PITX3: variants seen among roughly 807,000 people sequenced by gnomAD.
PITX3 encodes pituitary homeobox 3.
In PITX3, 4 loss-of-function variants were observed where a neutral mutation model predicts 14.2. That is an observed-to-expected ratio of 0.28 (90% CI 0.14 to 0.65). The LOEUF (loss-of-function observed/expected upper bound fraction) is 0.65, where lower values mean the gene tolerates loss of function less well. PITX3 is among the 30% of genes least tolerant of loss of function. The pLI, the probability that PITX3 is intolerant of heterozygous loss-of-function variation, is 0.82. For missense variants in PITX3, 358 were observed against 426.8 expected (o/e 0.84, Z 1.42); for synonymous variants, 194 against 204.5 (o/e 0.95, Z 0.44).
At chr10:102,236,336 A>G (rs1285108204) in intron 1 of PITX3, among the ~76,000 whole-genome samples, 2 of 152,252 alleles carry the variant, frequency 1.3e-5, no homozygotes, top group African/African-American at 2.4e-5. Flanking sequence ...ATGCCCAGGC[A>G]GGGACAGAGA....
intron 1 of PITX3, 128 bp from the exon 2 acceptor site, chr10:102,232,220 G>A (rs567170481): frequency 1.4e-5 from 9 of 655,606 alleles, no homozygotes; most frequent in South Asian, 8.3e-5. Flanking sequence ...CTGGGGCTGC[G>A]TGGGGCTCCT....
chr10:102,232,426 T>C (rs1474574090), intron 1 of PITX3, among the ~76,000 whole-genome samples: 2 of 152,202 alleles, frequency 1.3e-5, no homozygotes, highest in African/African-American at 4.8e-5. Context: ...CTCACGCCTG[T>C]AATCCCAGCA....
chr10:102,233,327 G>A lies in PITX3; in HGVS notation c.-12-1235C>T, dbSNP rs1217328731. Among the ~76,000 whole-genome samples the A allele has an allele frequency of 9.4e-5, 9 of 95,452 alleles. No individual in the cohort carries two copies. The Admixed American group carries it at 1.0e-3, about 11-fold the overall frequency. The allele number at this position is 95,452 out of a possible 152,430, so 62.6% of individuals were successfully genotyped here. A position where few individuals can be genotyped will look rare whatever the true frequency, so the allele number is the denominator to read the frequency against. On this transcript the variant is annotated intron_variant, in intron 1 of 3. Transcript: ENST00000370002. ...TTCTTTTTTTTTTTTTTTTTGAGAT[G>A]GAGTCTCGCTTTGTTGCCCAGGCTG...
At chr10:102,231,553 C>T in intron 3 of PITX3, 35 bp downstream of exon 3, 2 of 1,426,042 alleles carry the variant, frequency 1.4e-6, no homozygotes, top group South Asian at 1.2e-5. Flanking sequence ...GCGGAGGGCC[C>T]GCGCGGGTGC....
intron 1 of PITX3, among the ~76,000 whole-genome samples, chr10:102,237,953 G>A (rs571446345): frequency 5.3e-5 from 8 of 152,074 alleles, no homozygotes; most frequent in Non-Finnish European, 1.2e-4. Flanking sequence ...ATCCAGGGGT[G>A]TGACAAAAAA....
In PITX3 at chr10:102,231,779, C is replaced by A; in HGVS notation, c.130G>T (p.Ala44Ser). ...GAGCCGCCGGGCAGCGAAGCCGAGG[C>A]CTTTTCTGAGTCTGGGGGCCAGGGT... Reference protein sequence around the residue: ...KGQEHSDSEKASASLPGGSPE... With the variant: ...KGQEHSDSEKSSASLPGGSPE... Residue 44 changes from alanine to serine, a missense_variant, in exon 3 of 4, where the codon GCC becomes TCC. By Grantham distance (99) the Ala-to-Ser change is moderately conservative. Transcript: ENST00000370002. 4 of 1,603,052 alleles carry A rather than the reference C, an allele frequency of 2.5e-6. No homozygotes were observed. The highest frequency in any genetic ancestry group is 3.4e-6 in the Non-Finnish European group (4 of 1,177,410).
chr10:102,236,469 C>CA (rs1322619103), intron 1 of PITX3, among the ~76,000 whole-genome samples: 1 of 152,182 alleles, frequency 6.6e-6, no homozygotes, highest in African/African-American at 2.4e-5. Flanking sequence ...CCACTGGTAT[C>CA]AGGGTGGCAA....
Position 102,232,071 on chromosome 10 carries a change from C to A in PITX3, c.10G>T (p.Gly4Cys). The A allele has an allele frequency of 6.3e-7, 1 of 1,597,206 alleles. No homozygotes were observed. The highest frequency in any genetic ancestry group is 1.1e-5 in the South Asian group (1 of 90,046). MEF[G>C]LLSEAEARSP... is the part of the protein sequence containing the mutation. Reference sequence around the variant, plus strand: ...CGGGCCTCTGCCTCGCTGAGCAGGCCGAACTCCATGGAGGGAGGGCTCTGG... The same window carrying A: ...CGGGCCTCTGCCTCGCTGAGCAGGCAGAACTCCATGGAGGGAGGGCTCTGG... Residue 4 changes from glycine (G) to cysteine (C), a missense_variant, in exon 2 of 4, where the codon GGC becomes TGC. Gly to Cys is a radical substitution (Grantham distance 159). Transcript: ENST00000370002.
chr10:102,236,468 T>A (rs1370562409), intron 1 of PITX3, among the ~76,000 whole-genome samples: 1 of 152,190 alleles, frequency 6.6e-6, no homozygotes, highest in African/African-American at 2.4e-5. Flanking sequence ...CCCACTGGTA[T>A]CAGGGTGGCA....
At chr10:102,231,941 C>T (rs2070254875) in intron 2 of PITX3, 22 bp downstream of exon 2, 4 of 1,593,018 alleles carry the variant, frequency 2.5e-6, no homozygotes, top group African/African-American at 1.3e-5. Flanking sequence ...TGTCCTGCAC[C>T]CCCGGAAGGG....
In PITX3 at chr10:102,231,113, G is replaced by C. The variant is rs1368676832; in HGVS notation, c.322-12C>G. On this transcript the variant is annotated splice_polypyrimidine_tract_variant and intron_variant, in intron 3 of 3. Transcript: ENST00000370002. Reference sequence around the variant, plus strand: ...TTCTTGAACCACACCTGCGGGCACGGGAGAAAGGCGGTCAGGGCCCGGGGC... The same window carrying C: ...TTCTTGAACCACACCTGCGGGCACGCGAGAAAGGCGGTCAGGGCCCGGGGC... 3 of 1,521,884 alleles carry C rather than the reference G, an allele frequency of 2.0e-6. No individual in the cohort carries two copies. In the East Asian group the frequency reaches 7.0e-5, roughly 36 times the overall value. The allele number at this position is 1,521,884 out of a possible 1,614,324, so 94.3% of individuals were successfully genotyped here. A position where few individuals can be genotyped will look rare whatever the true frequency, so the allele number is the denominator to read the frequency against.
In PITX3 at chr10:102,231,938, C is replaced by A. The variant is rs755282195; in HGVS notation, c.118+25G>T. The stretch of plus-strand genomic sequence containing the variant: ...CTGGGGATGAAGCTGTTATGTCCTG[C>A]ACCCCCGGAAGGGGGCGCGCTTACC... On this transcript the variant is annotated intron_variant, in intron 2 of 3. Coordinates refer to ENST00000370002, the MANE Select transcript of PITX3 (RefSeq NM_005029.4). 3 of 1,586,344 alleles carry A rather than the reference C, an allele frequency of 1.9e-6. No individual in the cohort carries two copies. In the South Asian group the frequency reaches 3.3e-5, roughly 18 times the overall value.
chr10:102,231,804 TG>T lies in PITX3; in HGVS notation c.119-15del. The T allele has an allele frequency of 6.3e-7, 1 of 1,593,724 alleles. No individual in the cohort carries two copies. On this transcript the variant is annotated splice_polypyrimidine_tract_variant and intron_variant, in intron 2 of 3. Transcript: ENST00000370002. ...CCTTTTCTGAGTCTGGGGGCCAGGG[TG>T]GGGGCAGGTCACAGAGCGCCCAAGC...
chr10:102,240,413 A>G (rs1248725044), intron 1 of PITX3, among the ~76,000 whole-genome samples: 3 of 152,050 alleles, frequency 2.0e-5, no homozygotes, highest in Non-Finnish European at 4.4e-5. Flanking sequence ...TGTAGCCTTT[A>G]CTCTCGCTCC....
At chr10:102,240,348 C>T (rs771573997) in intron 1 of PITX3, among the ~76,000 whole-genome samples, 7 of 152,238 alleles carry the variant, frequency 4.6e-5, no homozygotes, top group Non-Finnish European at 1.0e-4. Flanking sequence ...ATGCTCTGAT[C>T]TATTCTGAAT....
chr10:102,230,561 C>T lies in PITX3; in HGVS notation c.862G>A (p.Ala288Thr), dbSNP rs1166170833. Residue 288 changes from alanine to threonine, a missense_variant, in exon 4 of 4, where the codon GCA (alanine) becomes ACA (threonine). Ala to Thr is a moderately conservative substitution (Grantham distance 58). Around this residue, in one of 3 missense-constraint regions of PITX3, gnomAD observed 236 missense variants for 250.2 expected, o/e 0.94. Coordinates refer to ENST00000370002, the MANE Select transcript of PITX3 (RefSeq NM_005029.4). Reference protein sequence around the residue: ...SYPAVHGPPPAANLSPCQYAV... With the variant: ...SYPAVHGPPPTANLSPCQYAV... The stretch of plus-strand genomic sequence containing the variant: ...TACTGGCACGGACTAAGGTTGGCTG[C>T]CGGGGGCGGCCCGTGCACAGCGGGG... 2.1e-5 allele frequency: 34 copies of T among 1,610,738 alleles called. No homozygotes were observed. Among genetic ancestry groups the T allele is most frequent in the Non-Finnish European group, 2.7e-5 (32 of 1,178,874 alleles).
Position 102,231,585 on chromosome 10 carries a change from T to C in PITX3, c.321+3A>G, listed in dbSNP as rs1207244096. 2 of 1,580,930 alleles carry C rather than the reference T, an allele frequency of 1.3e-6. No individual in the cohort carries two copies. Among genetic ancestry groups the C allele is most frequent in the Non-Finnish European group, 1.7e-6 (2 of 1,158,532 alleles). On this transcript the variant is annotated splice_donor_region_variant and intron_variant, in intron 3 of 3. Coordinates refer to ENST00000370002, the MANE Select transcript of PITX3 (RefSeq NM_005029.4). ...GTGCGAGTCGCGGGTCTGGAGAGCA[T>C]ACCCGCACGCGGGCCTCGGTGAGGT...
chr10:102,232,121 GTAATGGGGGTAAAATCT>G, intron 1 of PITX3, 29 bp from the exon 2 acceptor site: 1 of 1,247,106 alleles, frequency 8.0e-7, no homozygotes, highest in Non-Finnish European at 1.1e-6. Context: ...ACAGACCAGG[GTAATGGGGGTAAAATCT>G]CCGGCTTAGC....
intron 1 of PITX3, among the ~76,000 whole-genome samples, chr10:102,233,965 G>A (rs1397469261): frequency 6.6e-6 from 1 of 152,194 alleles, no homozygotes; most frequent in Non-Finnish European, 1.5e-5. Flanking sequence ...TGGGGCTCAA[G>A]ACTCTGGGTG....
Sources: gnomAD v4.1 joint callset for allele counts (sites outside exome capture counted in the v4.1 genomes callset) on GRCh38, gnomAD v4.1.1 for gene constraint, gnomAD v4.1.1 regional missense constraint, MANE v1.5 for transcripts, NCBI Gene and HGNC (gene_info 2026-07-23, HGNC 2026-07-21) for gene names.